Variants in KPNA7 observed in about 807,000 individuals in gnomAD.
The protein encoded by KPNA7 is importin subunit alpha-8.
Under a neutral mutation model 53.7 loss-of-function variants are expected in KPNA7, and 54 were observed. The ratio of observed to expected loss-of-function variants is 1.01; its 90% CI spans 0.81 to 1.26. The LOEUF is 1.26. Among genes scored for constraint, KPNA7 ranks in the 50% most tolerant of loss-of-function variants. KPNA7 has a pLI of 0.00. For missense variants in KPNA7, 640 were observed against 644.5 expected (o/e 0.99, Z 0.07); for synonymous variants, 276 against 259.3 (o/e 1.06, Z -0.62).
upstream of KPNA7, among the ~76,000 whole-genome samples, chr7:99,209,956 C>T (rs71567536): frequency 0.062 from 9,260 of 150,322 alleles, 318 homozygotes; most frequent in South Asian, 0.16. Context: ...CAGTGAGCCA[C>T]GATTGCACCA....
the KPNA7 span, among the ~76,000 whole-genome samples, chr7:99,146,738 A>G: frequency 2.3e-5 from 3 of 129,790 alleles, no homozygotes; most frequent in East Asian, 4.2e-4. Flanking sequence ...AAAAAAAAAA[A>G]AAAAAAAAAA....
chr7:99,159,652 T>C, the KPNA7 span, among the ~76,000 whole-genome samples: 1 of 152,198 alleles, frequency 6.6e-6, no homozygotes, highest in Non-Finnish European at 1.5e-5. Context: ...TCTATGATCA[T>C]TCCGATTTCT....
chr7:99,185,006 C>T lies in KPNA7; in HGVS notation c.1057G>A (p.Ala353Thr). Reference sequence around the variant, plus strand: ...TGGATGTGGTGACAAGGCCCCGCTGCTACGTTGCTCAGGGCCCAGGCTGCC... The same window carrying T: ...TGGATGTGGTGACAAGGCCCCGCTGTTACGTTGCTCAGGGCCCAGGCTGCC... The part of the protein sequence containing the change: ...KEAAWALSNV[A>T]AGPCHHIQQL... The change falls in exon 8 of 11, where the codon GCA (alanine) becomes ACA (threonine). Residue 353 changes from alanine (A) to threonine (T), a missense_variant. Ala to Thr is a moderately conservative substitution (Grantham distance 58). Coordinates refer to ENST00000327442, the MANE Select transcript of KPNA7 (RefSeq NM_001145715.3). 1 of 1,551,946 alleles carries T rather than the reference C, an allele frequency of 6.4e-7. No homozygotes were observed. Among genetic ancestry groups the T allele is most frequent in the Non-Finnish European group, 8.7e-7 (1 of 1,147,044 alleles).
chr7:99,192,393 A>G (rs148433459), intron 6 of KPNA7, among the ~76,000 whole-genome samples: 239 of 152,254 alleles, frequency 1.6e-3, no homozygotes, highest in African/African-American at 5.2e-3. Context: ...ACCTAAAATG[A>G]TACTCAGTCC....
chr7:99,191,806 T>C (rs147533575), intron 6 of KPNA7, among the ~76,000 whole-genome samples: 109 of 152,262 alleles, frequency 7.2e-4, no homozygotes, highest in African/African-American at 2.4e-3. Context: ...CGTGCCACCA[T>C]GCCTGGCTAG....
chr7:99,172,575 G>A (rs1161927141), downstream of KPNA7, among the ~76,000 whole-genome samples: 2 of 152,146 alleles, frequency 1.3e-5, no homozygotes, highest in African/African-American at 2.4e-5. Context: ...TTAGCTGCAT[G>A]TGGTGGTGCT....
chr7:99,172,305 G>A (rs73712733), downstream of KPNA7, among the ~76,000 whole-genome samples: 8,039 of 152,198 alleles, frequency 0.053, 260 homozygotes, highest in East Asian at 0.18. Context: ...GGGATGGGGT[G>A]GAAGAGGCAT....
intron 1 of KPNA7, among the ~76,000 whole-genome samples, chr7:99,217,868 C>A (rs1791252103): frequency 6.6e-6 from 1 of 151,992 alleles, no homozygotes; most frequent in Non-Finnish European, 1.5e-5. Flanking sequence ...TGGCCTCAAG[C>A]AACCCACGCA....
chr7:99,212,631 C>T (rs1791105887), upstream of KPNA7, among the ~76,000 whole-genome samples: 1 of 151,882 alleles, frequency 6.6e-6, no homozygotes, highest in African/African-American at 2.4e-5. Flanking sequence ...CACAGTGGCT[C>T]ACACCTATAG....
At chr7:99,183,547 G>A (rs538083317) in intron 8 of KPNA7, among the ~76,000 whole-genome samples, 3 of 152,138 alleles carry the variant, frequency 2.0e-5, no homozygotes, top group African/African-American at 4.8e-5. Context: ...CACAAGTACT[G>A]AACAGATTGG....
chr7:99,185,719 A>G (rs1789548234), intron 7 of KPNA7, among the ~76,000 whole-genome samples: 2 of 152,340 alleles, frequency 1.3e-5, no homozygotes, highest in South Asian at 2.1e-4. Context: ...AAATACCTTT[A>G]TCGAGAAATG....
chr7:99,180,026 T>C (rs897976867), intron 9 of KPNA7, among the ~76,000 whole-genome samples: 1 of 152,188 alleles, frequency 6.6e-6, no homozygotes, highest in East Asian at 1.9e-4. Flanking sequence ...TAGGATGTTG[T>C]GGAAGTGACA....
At chr7:99,203,345 A>T (rs1252315435) in intron 2 of KPNA7, 105 bp from the exon 3 acceptor site, 1 of 1,195,140 alleles carries the variant, frequency 8.4e-7, no homozygotes, top group African/African-American at 1.5e-5. Context: ...TACAGATACA[A>T]TAGGCTGGAA....
chr7:99,182,214 T>C (rs919991874), intron 8 of KPNA7, 149 bp from the exon 9 acceptor site: 1 of 587,056 alleles, frequency 1.7e-6, no homozygotes, highest in African/African-American at 1.9e-5. Context: ...CCTCTAGCTC[T>C]TTCTTTCCCC....
At chr7:99,146,665 T>G in the KPNA7 span, among the ~76,000 whole-genome samples, 1 of 136,024 alleles carries the variant, frequency 7.4e-6, no homozygotes, top group Non-Finnish European at 1.5e-5. Context: ...TGAGGCGAGA[T>G]TGTGCCACTG....
chr7:99,197,444 A>G (rs932085539), intron 3 of KPNA7, among the ~76,000 whole-genome samples: 3 of 152,248 alleles, frequency 2.0e-5, no homozygotes, highest in African/African-American at 7.2e-5. Context: ...AGACAAGCAA[A>G]GAAAGTGTGA....
downstream of KPNA7, among the ~76,000 whole-genome samples, chr7:99,171,006 G>A (rs1314792573): frequency 6.6e-6 from 1 of 152,118 alleles, no homozygotes; most frequent in Non-Finnish European, 1.5e-5. Flanking sequence ...CTGAGGTCAG[G>A]AGTTCAAGAC....
intron 7 of KPNA7, among the ~76,000 whole-genome samples, chr7:99,187,555 ATT>A (rs36042018): frequency 4.0e-5 from 5 of 124,412 alleles, no homozygotes; most frequent in Admixed American, 9.0e-5. Context: ...CACCCAGCTA[ATT>A]TTTTTTTTTT....
At chr7:99,172,197 C>T (rs769883861), downstream of KPNA7, among the ~76,000 whole-genome samples, 7 of 152,130 alleles carry the variant, frequency 4.6e-5, no homozygotes, top group Non-Finnish European at 7.3e-5. Context: ...TCTGTAAATT[C>T]GAACATCGTC....
Sources: allele counts gnomAD v4.1 joint callset (sites outside exome capture counted in the v4.1 genomes callset), GRCh38; gene constraint gnomAD v4.1.1; transcripts MANE v1.5; gene names NCBI Gene and HGNC (gene_info 2026-07-23, HGNC 2026-07-21).